ADAMTSL1: variants seen among roughly 807,000 people sequenced by gnomAD.
ADAMTSL1 encodes the protein ADAMTS-like protein 1.
In ADAMTSL1, 126 loss-of-function variants were observed where a neutral mutation model predicts 201.8. The ratio of observed to expected loss-of-function variants is 0.62; its 90% confidence interval spans 0.54 to 0.72. ADAMTSL1 has a LOEUF of 0.72. Among genes scored for constraint, ADAMTSL1 ranks in the 30% least tolerant of loss-of-function variants. The pLI is 0.00. For synonymous variants in ADAMTSL1, 1,121 were observed against 903.4 expected (o/e 1.24, Z -4.32); for missense variants, 2,679 against 2,277.8 (o/e 1.18, Z -3.59).
At chr9:18,441,196 G>T (rs542637959) in intron 2 of ADAMTSL1, among the ~76,000 whole-genome samples, 2 of 147,938 alleles carry the variant, frequency 1.4e-5, no homozygotes, top group South Asian at 2.1e-4. Flanking sequence ...TCTTTTGGGG[G>T]TAATAAGAAT....
At chr9:18,660,608 T>A (rs534385460) in intron 8 of ADAMTSL1, among the ~76,000 whole-genome samples, 27 of 152,272 alleles carry the variant, frequency 1.8e-4, no homozygotes, top group South Asian at 4.1e-4. Context: ...ATCTGGAAAA[T>A]TATAAAATAA....
At chr9:18,818,537 A>ACCAGG (rs1824006167) in intron 21 of ADAMTSL1, among the ~76,000 whole-genome samples, 1 of 152,186 alleles carries the variant, frequency 6.6e-6, no homozygotes, top group Non-Finnish European at 1.5e-5. Flanking sequence ...CACGCCTGTA[A>ACCAGG]TCTCAGCACT....
At chr9:18,567,961 ACT>A (rs1225628216) in intron 3 of ADAMTSL1, among the ~76,000 whole-genome samples, 2 of 152,112 alleles carry the variant, frequency 1.3e-5, no homozygotes, top group Non-Finnish European at 2.9e-5. Flanking sequence ...TGCAGTTATA[ACT>A]CTATGCTATT....
At chr9:18,586,093 A>G (rs1294929103) in intron 4 of ADAMTSL1, among the ~76,000 whole-genome samples, 6 of 152,204 alleles carry the variant, frequency 3.9e-5, no homozygotes, top group Non-Finnish European at 8.8e-5. Context: ...GGCCAGAGCA[A>G]TCAGGCAAGA....
chr9:18,890,462 G>T, intron 25 of ADAMTSL1: 1 of 455,212 alleles, frequency 2.2e-6, no homozygotes, highest in Non-Finnish European at 4.4e-6. Flanking sequence ...CTGAGAGCCT[G>T]GGGGGATGTG....
intron 2 of ADAMTSL1, among the ~76,000 whole-genome samples, chr9:18,524,438 C>T (rs1383654098): frequency 3.3e-5 from 5 of 152,136 alleles, no homozygotes; most frequent in Non-Finnish European, 7.3e-5. Context: ...TTATTTCTTT[C>T]TCCTGCCTGA....
At chr9:18,444,979 G>C (rs1285363003) in intron 2 of ADAMTSL1, among the ~76,000 whole-genome samples, 1 of 152,078 alleles carries the variant, frequency 6.6e-6, no homozygotes, top group Non-Finnish European at 1.5e-5. Context: ...AAAACTGAAA[G>C]TCAGAGAGTT....
intron 1 of ADAMTSL1, among the ~76,000 whole-genome samples, chr9:18,057,450 G>T (rs904961033): frequency 6.6e-6 from 1 of 152,146 alleles, no homozygotes; most frequent in Admixed American, 6.5e-5. Flanking sequence ...AAGTTTATTT[G>T]TAAAATGACT....
At chr9:18,574,620 T>TG in intron 4 of ADAMTSL1, 35 of 380,842 alleles carry the variant, frequency 9.2e-5, no homozygotes, top group South Asian at 1.7e-4. Context: ...TGTGTGTGTA[T>TG]TTAGAGACTG....
chr9:17,958,500 T>C (rs1460595472), intron 1 of ADAMTSL1, among the ~76,000 whole-genome samples: 1 of 152,176 alleles, frequency 6.6e-6, no homozygotes, highest in African/African-American at 2.4e-5. Flanking sequence ...TTAGGCTGGA[T>C]CCCAAGCCAA....
At chr9:18,104,102 A>T (rs1353534633) in intron 1 of ADAMTSL1, among the ~76,000 whole-genome samples, 1 of 152,224 alleles carries the variant, frequency 6.6e-6, no homozygotes, top group African/African-American at 2.4e-5. Flanking sequence ...GCTTAGGGGA[A>T]CTACTTGTTC....
intron 4 of ADAMTSL1, among the ~76,000 whole-genome samples, chr9:18,582,437 C>T (rs1469769184): frequency 6.6e-6 from 1 of 152,194 alleles, no homozygotes; most frequent in Non-Finnish European, 1.5e-5. Context: ...GGAACTCCTG[C>T]AATTCCCACA....
In ADAMTSL1 at chr9:17,997,149, G is replaced by T. The variant is rs199977235; in HGVS notation, c.87+90227G>T. 3.9e-5 allele frequency among the ~76,000 whole-genome samples: 6 copies of T among 152,188 alleles called. No homozygotes were observed. In the East Asian group the frequency reaches 1.2e-3, roughly 29 times the overall value. On this transcript the variant is annotated intron_variant, in intron 1 of 29. Coordinates refer to the ADAMTSL1 transcript ENST00000680146. ...AGCATATAGGGTTGGCTCTATCCCAGTTTGGAGCCTAACTGAAACTTGCAC... is the reference window on the plus strand; with the variant it reads ...AGCATATAGGGTTGGCTCTATCCCATTTTGGAGCCTAACTGAAACTTGCAC...
chr9:18,482,897 A>G (rs567529874), intron 1 of ADAMTSL1, among the ~76,000 whole-genome samples: 35 of 152,296 alleles, frequency 2.3e-4, no homozygotes, highest in South Asian at 8.3e-4. Context: ...ACCATTTGTC[A>G]CTGAGACCTA....
chr9:18,343,034 GTTTT>G (rs570325309), intron 2 of ADAMTSL1, among the ~76,000 whole-genome samples: 1 of 145,554 alleles, frequency 6.9e-6, no homozygotes, highest in Non-Finnish European at 1.5e-5. Context: ...TTTTTGTTTT[GTTTT>G]TTTTTTGCCA....
At chr9:18,783,402 C>G (rs1402099085) in intron 19 of ADAMTSL1, among the ~76,000 whole-genome samples, 1 of 152,168 alleles carries the variant, frequency 6.6e-6, no homozygotes, top group Admixed American at 6.5e-5. Context: ...ATTAGAAACT[C>G]TTTCTACGGT....
At chr9:18,021,991 G>T (rs1302133731) in intron 1 of ADAMTSL1, among the ~76,000 whole-genome samples, 1 of 152,088 alleles carries the variant, frequency 6.6e-6, no homozygotes, top group Non-Finnish European at 1.5e-5. Flanking sequence ...TATAAAAGTG[G>T]TGATAAAAGG....
At chr9:18,834,131 G>T (rs1288754903) in intron 23 of ADAMTSL1, among the ~76,000 whole-genome samples, 1 of 152,040 alleles carries the variant, frequency 6.6e-6, no homozygotes, top group Non-Finnish European at 1.5e-5. Context: ...GATGCCTCCA[G>T]CTTTGTTCTT....
intron 1 of ADAMTSL1, among the ~76,000 whole-genome samples, chr9:18,155,497 G>A (rs780654957): frequency 6.6e-6 from 1 of 151,960 alleles, no homozygotes; most frequent in Non-Finnish European, 1.5e-5. Flanking sequence ...ATGTGGTCCC[G>A]GACAGCTTTG....
Sources: allele counts gnomAD v4.1 joint callset (sites outside exome capture counted in the v4.1 genomes callset), GRCh38; gene constraint gnomAD v4.1.1; transcripts MANE v1.5; gene names NCBI Gene and HGNC (gene_info 2026-07-23, HGNC 2026-07-21).